TET3: variants seen among roughly 807,000 people sequenced by gnomAD.
TET3 encodes the protein methylcytosine dioxygenase TET3.
Under a neutral mutation model 141.4 loss-of-function variants are expected in TET3, and 19 were observed. The ratio of observed to expected loss-of-function variants is 0.13; its 90% confidence interval spans 0.09 to 0.20. The LOEUF (loss-of-function observed/expected upper bound fraction) is 0.20, where lower values mean the gene tolerates loss of function less well. Ranked by LOEUF, TET3 falls within the 10% of genes least tolerant of loss-of-function variation. The pLI is 1.00. For missense variants in TET3, 1,874 were observed against 2,356.9 expected, an observed-to-expected ratio of 0.80 and a Z score of 4.24; for synonymous variants, 1,043 against 980.9, an observed-to-expected ratio of 1.06 and a Z score of -1.18.
chr2:74,057,148 G>GA (rs1443438798), intron 4 of TET3, among the ~76,000 whole-genome samples: 1 of 152,162 alleles, frequency 6.6e-6, no homozygotes, highest in Non-Finnish European at 1.5e-5. Flanking sequence ...ATTGTACAAA[G>GA]AAAAAATATA....
the TET3 span, among the ~76,000 whole-genome samples, chr2:74,113,257 A>G: frequency 1.3e-5 from 2 of 151,174 alleles, no homozygotes; most frequent in South Asian, 2.1e-4. Context: ...ATGGTGGCAC[A>G]TGCCTCTAAT....
rs1326883342 is a variant in TET3, at chr2:74,087,848, C to G, written c.2698C>G (p.Leu900Val). ...CCTGCAGGTGATCCGCAGGCACACGCTGGAGGAGAAGCTACTCTGCCTGGT... is the reference window on the plus strand; with the variant it reads ...CCTGCAGGTGATCCGCAGGCACACGGTGGAGGAGAAGCTACTCTGCCTGGT... ...IAKWVIRRHTLEEKLLCLVRH... is the reference protein window; with the variant it reads ...IAKWVIRRHTVEEKLLCLVRH... Residue 900 changes from leucine to valine, a missense_variant, in exon 7 of 12, where the codon CTG becomes GTG. Coordinates refer to ENST00000409262, the MANE Select transcript of TET3 (RefSeq NM_001287491.2). This position sits in a 1 kb window ranked among gnomAD's most constrained non-coding sequence, Gnocchi z 4.3. The G allele has an allele frequency of 6.4e-7, 1 of 1,550,980 alleles. No individual in the cohort carries two copies. Among genetic ancestry groups the G allele is most frequent in the African/African-American group, 1.4e-5 (1 of 73,152 alleles).
At chr2:74,035,201 CAA>C (rs35642768) in intron 3 of TET3, among the ~76,000 whole-genome samples, 677 of 65,394 alleles carry the variant, frequency 0.01, 7 homozygotes, top group African/African-American at 0.034. Flanking sequence ...GACTCCGTCT[CAA>C]AAAAAAAAAA....
At chr2:74,033,223 T>A (rs143074194) in intron 3 of TET3, among the ~76,000 whole-genome samples, 1 of 152,230 alleles carries the variant, frequency 6.6e-6, no homozygotes, top group African/African-American at 2.4e-5. Context: ...TTTTGGAAAC[T>A]ATAAACGAGA....
Position 74,082,414 on chromosome 2 carries a change from G to T in TET3, c.2679+1823G>T, listed in dbSNP as rs151090864. Among the ~76,000 whole-genome samples, 1,019 of 152,252 alleles carry T rather than the reference G, an allele frequency of 6.7e-3. 15 individuals carry two copies. Among genetic ancestry groups the T allele is most frequent in the African/African-American group, 0.015 (603 of 41,496 alleles). On this transcript the variant is annotated intron_variant, in intron 6 of 11. Coordinates refer to ENST00000409262, the MANE Select transcript of TET3 (RefSeq NM_001287491.2). ...TGTGGACGGATGCCCAGAGCAGGAC[G>T]CATGGGGCGCAGTGAACTGGAGGTT...
At chr2:74,039,475 C>T (rs1188744534) in intron 3 of TET3, among the ~76,000 whole-genome samples, 1 of 152,152 alleles carries the variant, frequency 6.6e-6, no homozygotes, top group Admixed American at 6.6e-5. Context: ...CCTTTTTCTT[C>T]CTTTTCATCT....
chr2:74,067,876 G>A (rs2103893222), intron 4 of TET3, among the ~76,000 whole-genome samples: 1 of 152,360 alleles, frequency 6.6e-6, no homozygotes, highest in South Asian at 2.1e-4. Context: ...TGGAGATGGT[G>A]TGGTGGGGAC....
At chr2:74,032,451 CTGTGTG>C (rs61217149) in intron 3 of TET3, among the ~76,000 whole-genome samples, 19,353 of 71,620 alleles carry the variant, frequency 0.27, 2,957 homozygotes, top group Middle Eastern at 0.32. Flanking sequence ...GGGTGTGTCT[CTGTGTG>C]TGTGTGTGTG....
intron 6 of TET3, among the ~76,000 whole-genome samples, chr2:74,082,258 G>C (rs142908688): frequency 2.0e-5 from 3 of 152,166 alleles, no homozygotes; most frequent in Non-Finnish European, 4.4e-5. Context: ...GTCAGGGCTC[G>C]TGTGGCCCCA....
intron 10 of TET3, among the ~76,000 whole-genome samples, chr2:74,094,988 T>G (rs1017130525): frequency 6.6e-6 from 1 of 151,292 alleles, no homozygotes; most frequent in Non-Finnish European, 1.5e-5. Context: ...AGCAGGGGAG[T>G]GAGTGCAGAT....
chr2:74,054,291 A>T (rs1333242799), intron 4 of TET3, among the ~76,000 whole-genome samples: 1 of 151,658 alleles, frequency 6.6e-6, no homozygotes, highest in Non-Finnish European at 1.5e-5. Flanking sequence ...AGTAGAAAGG[A>T]GGAGGGGAGG....
chr2:74,003,537 C>G (rs1684983060), intron 3 of TET3, among the ~76,000 whole-genome samples: 1 of 30,562 alleles, frequency 3.3e-5, no homozygotes, highest in Non-Finnish European at 6.4e-5. Context: ...TGCAGAAATC[C>G]CGGGGGGGAC....
At chr2:74,090,127 G>A in intron 8 of TET3, 80 bp downstream of exon 8, 1 of 1,564,680 alleles carries the variant, frequency 6.4e-7, no homozygotes, top group Non-Finnish European at 8.7e-7. Flanking sequence ...AGGTAGTACT[G>A]GCACGCCATG....
At chr2:74,083,435 C>T (rs187491331) in intron 6 of TET3, among the ~76,000 whole-genome samples, 268 of 152,228 alleles carry the variant, frequency 1.8e-3, no homozygotes, top group African/African-American at 6.2e-3. Context: ...AACCAAGTAC[C>T]GTGGTGGGAG....
intron 5 of TET3, among the ~76,000 whole-genome samples, chr2:74,077,601 A>G (rs1037011901): frequency 3.3e-5 from 5 of 151,992 alleles, no homozygotes; most frequent in African/African-American, 7.3e-5. Context: ...TTTAAACACA[A>G]AGAGACAGTC....
At chr2:74,023,494 C>T (rs1170217661) in intron 3 of TET3, among the ~76,000 whole-genome samples, 3 of 152,320 alleles carry the variant, frequency 2.0e-5, no homozygotes, top group Non-Finnish European at 4.4e-5. Flanking sequence ...CGTCCTCCCT[C>T]GGCCTCCCAA....
intron 2 of TET3, chr2:73,998,468 C>G (rs970535235): frequency 6.6e-6 from 1 of 152,348 alleles, no homozygotes; most frequent in African/African-American, 2.4e-5. Context: ...CGACTTGTTT[C>G]CCTCCAGTGT....
downstream of TET3, among the ~76,000 whole-genome samples, chr2:74,108,438 C>A (rs1227530172): frequency 2.0e-5 from 3 of 152,130 alleles, no homozygotes; most frequent in Non-Finnish European, 4.4e-5. Context: ...TGTTTTCTTT[C>A]CCTTTTATGT....
downstream of TET3, among the ~76,000 whole-genome samples, chr2:74,108,937 G>C: frequency 6.6e-6 from 1 of 152,200 alleles, no homozygotes; most frequent in Non-Finnish European, 1.5e-5. Context: ...ATGAGTGCCA[G>C]GTGATCGGCT....
Sources: gnomAD v4.1 joint callset for allele counts (sites outside exome capture counted in the v4.1 genomes callset) on GRCh38, gnomAD v4.1.1 for gene constraint, Gnocchi (gnomAD v3.1) non-coding constraint, MANE v1.5 for transcripts, NCBI Gene and HGNC (gene_info 2026-07-23, HGNC 2026-07-21) for gene names.